Variants in SFMBT2 observed in about 807,000 individuals in gnomAD.
SFMBT2 encodes the protein Scm like with four mbt domains 2.
SFMBT2 carries 38 observed loss-of-function variants against 110.1 expected under a neutral mutation model. That is an observed-to-expected ratio of 0.35 (90% confidence interval 0.27 to 0.45). The LOEUF (loss-of-function observed/expected upper bound fraction) is 0.45. Among genes scored for constraint, SFMBT2 ranks in the 20% least tolerant of loss-of-function variants. The probability of loss-of-function intolerance (pLI) is 1.00; values close to 1 mark genes in which losing one functional copy is unlikely to be tolerated. For missense variants in SFMBT2, 1,011 were observed against 1,094.9 expected, an observed-to-expected ratio of 0.92 and a Z score of 1.08; for synonymous variants, 425 against 425.4, an observed-to-expected ratio of 1.00 and a Z score of 0.01.
At chr10:7,393,168 T>C (rs1485311252) in intron 1 of SFMBT2, among the ~76,000 whole-genome samples, 1 of 151,474 alleles carries the variant, frequency 6.6e-6, no homozygotes, top group Non-Finnish European at 1.5e-5. Flanking sequence ...GTAGCTGGGA[T>C]TACACGTGCA....
chr10:7,346,310 T>G (rs12776707), intron 4 of SFMBT2, among the ~76,000 whole-genome samples: 7,171 of 152,342 alleles, frequency 0.047, 238 homozygotes, highest in Non-Finnish European at 0.075. Context: ...TAACATTTTA[T>G]GATGCTGTGT....
chr10:7,376,698 C>A lies in SFMBT2; in HGVS notation c.100+5101G>T, dbSNP rs866693232. On this transcript the variant is annotated intron_variant, in intron 2 of 20. Transcript: ENST00000397167. ...TGGGTGACAGAGCAAGACTCTGTCT[C>A]AAAAAAAAAAAAAAAAAAGGCCCTC... Among the ~76,000 whole-genome samples the A allele has an allele frequency of 5.1e-3, 240 of 46,636 alleles. 3 individuals carry two copies. The highest frequency in any genetic ancestry group is 8.8e-3 in the African/African-American group (84 of 9,592). The allele number at this position is 46,636 out of a possible 152,430, so 30.6% of individuals were successfully genotyped here.
In SFMBT2 at chr10:7,176,164, A is replaced by G. The variant is rs1449619307; in HGVS notation, c.1810T>C (p.Tyr604His). 1.2e-6 allele frequency: 2 copies of G among 1,614,158 alleles called. No individual in the cohort carries two copies. The highest frequency in any genetic ancestry group is 1.7e-5 in the Admixed American group (1 of 60,012). Residue 604 changes from tyrosine to histidine, a missense_variant and splice_region_variant, in exon 17 of 21, where the codon TAC becomes CAC. Physicochemically the swap from Tyr to His is moderately conservative, Grantham distance 83. Transcript: ENST00000397167. ...NFQEETLKAK[Y>H]RGKTYRAVVK... ...ACAGCCCTGTATGTTTTGCCTCTGT[A>G]TCTAGAAAATAGGTGGGGAAGAAAA...
At chr10:7,410,180 G>A (rs1333379901) in intron 1 of SFMBT2, among the ~76,000 whole-genome samples, 3 of 152,208 alleles carry the variant, frequency 2.0e-5, no homozygotes, top group African/African-American at 7.2e-5. Context: ...TTACTTTAAA[G>A]AGAAAATAAT....
At chr10:7,369,927 T>C (rs1431236777) in intron 3 of SFMBT2, among the ~76,000 whole-genome samples, 1 of 152,158 alleles carries the variant, frequency 6.6e-6, no homozygotes, top group Non-Finnish European at 1.5e-5. Context: ...TGGCGCAATC[T>C]TGGCTCACTG....
At chr10:7,402,715 G>T (rs1846112140) in intron 1 of SFMBT2, among the ~76,000 whole-genome samples, 1 of 152,148 alleles carries the variant, frequency 6.6e-6, no homozygotes, top group Admixed American at 6.6e-5. Context: ...CAAGCAGCTG[G>T]CAAGACTGAG....
intron 11 of SFMBT2, among the ~76,000 whole-genome samples, chr10:7,209,324 T>A (rs1177967624): frequency 6.6e-6 from 1 of 152,236 alleles, no homozygotes; most frequent in Non-Finnish European, 1.5e-5. Flanking sequence ...CTCGGCCTTT[T>A]GGCTAAGATC....
intron 4 of SFMBT2, among the ~76,000 whole-genome samples, chr10:7,342,164 A>T (rs1843927979): frequency 1.3e-5 from 2 of 151,938 alleles, no homozygotes; most frequent in Non-Finnish European, 2.9e-5. Context: ...ATACCAGCGA[A>T]TTGGATAGTA....
chr10:7,194,499 G>A (rs1564376626), intron 15 of SFMBT2, among the ~76,000 whole-genome samples: 1 of 152,054 alleles, frequency 6.6e-6, no homozygotes, highest in African/African-American at 2.4e-5. Context: ...CGCTCTCACT[G>A]CACATCTCCT....
intron 4 of SFMBT2, among the ~76,000 whole-genome samples, chr10:7,294,413 C>T (rs901376602): frequency 2.0e-5 from 3 of 152,200 alleles, no homozygotes; most frequent in African/African-American, 7.2e-5. Flanking sequence ...ACCCACCTTG[C>T]ATTGTACAAG....
At chr10:7,241,914 T>G (rs1840441743) in intron 9 of SFMBT2, among the ~76,000 whole-genome samples, 1 of 152,214 alleles carries the variant, frequency 6.6e-6, no homozygotes, top group Non-Finnish European at 1.5e-5. Context: ...CCAACCATTT[T>G]TTCAAAATTC....
intron 4 of SFMBT2, among the ~76,000 whole-genome samples, chr10:7,325,263 C>G (rs983969525): frequency 3.2e-4 from 48 of 152,100 alleles, no homozygotes; most frequent in African/African-American, 1.1e-3. Context: ...CCACCGCGCC[C>G]CCACCCAAGG....
intron 2 of SFMBT2, among the ~76,000 whole-genome samples, chr10:7,378,202 A>G (rs1182653562): frequency 5.8e-4 from 9 of 15,604 alleles, no homozygotes; most frequent in Non-Finnish European, 8.1e-4. Context: ...GTGTGGGTGT[A>G]TGTGTGGATG....
intron 4 of SFMBT2, among the ~76,000 whole-genome samples, chr10:7,330,346 C>T (rs116506805): frequency 0.011 from 1,620 of 152,306 alleles, 34 homozygotes; most frequent in African/African-American, 0.037. Flanking sequence ...ACCCGCGCTT[C>T]AGCACAACCC....
At chr10:7,352,659 T>A (rs2132015724) in intron 4 of SFMBT2, among the ~76,000 whole-genome samples, 1 of 152,220 alleles carries the variant, frequency 6.6e-6, no homozygotes, top group South Asian at 2.1e-4. Context: ...TCCCAACACC[T>A]CTTGCTAAGC....
intron 2 of SFMBT2, among the ~76,000 whole-genome samples, chr10:7,376,698 C>CAA (rs59565462): frequency 0.85 from 39,602 of 46,576 alleles, 16,855 homozygotes; most frequent in East Asian, 0.97. Context: ...GACTCTGTCT[C>CAA]AAAAAAAAAA....
intron 4 of SFMBT2, among the ~76,000 whole-genome samples, chr10:7,358,853 T>C (rs941928647): frequency 1.3e-5 from 2 of 151,888 alleles, no homozygotes; most frequent in African/African-American, 4.8e-5. Context: ...CCCTAGAACA[T>C]CTGCATACCC....
chr10:7,255,923 C>A (rs1420656224), intron 7 of SFMBT2, among the ~76,000 whole-genome samples: 3 of 152,222 alleles, frequency 2.0e-5, no homozygotes, highest in Non-Finnish European at 4.4e-5. Context: ...AGATGCTCAA[C>A]AGACAAATGT....
intron 4 of SFMBT2, among the ~76,000 whole-genome samples, chr10:7,356,407 GTTGTTTTGTT>G (rs540244375): frequency 1.3e-5 from 2 of 151,926 alleles, no homozygotes; most frequent in African/African-American, 2.4e-5. Flanking sequence ...TGTTGTTGTT[GTTGTTTTGTT>G]TTGTTTTGTT....
Sources: gnomAD v4.1 joint callset for allele counts (sites outside exome capture counted in the v4.1 genomes callset) on GRCh38, gnomAD v4.1.1 for gene constraint, MANE v1.5 for transcripts, NCBI Gene and HGNC (gene_info 2026-07-23, HGNC 2026-07-21) for gene names.